Variants in CNTN5 observed in about 807,000 individuals in gnomAD.
CNTN5 encodes contactin 5, also known as contactin-5.
A neutral mutation model predicts 129.1 loss-of-function variants in CNTN5; 77 were observed. That is an observed-to-expected ratio of 0.60 (90% CI 0.50 to 0.72). The LOEUF is 0.72. Ranked by LOEUF, CNTN5 falls within the 30% of genes least tolerant of loss-of-function variation. CNTN5 has a pLI of 0.00. For missense variants in CNTN5, 1,478 were observed against 1,328.8 expected (o/e 1.11, Z -1.75); for synonymous variants, 509 against 465.6 (o/e 1.09, Z -1.20).
intron 1 of CNTN5, among the ~76,000 whole-genome samples, chr11:99,134,109 G>A (rs1402762271): frequency 6.6e-6 from 1 of 152,120 alleles, no homozygotes; most frequent in Non-Finnish European, 1.5e-5. Context: ...GCAGGGACAT[G>A]AATGAAGCTT....
intron 1 of CNTN5, among the ~76,000 whole-genome samples, chr11:99,092,630 A>G (rs1424450180): frequency 6.6e-6 from 1 of 152,074 alleles, no homozygotes; most frequent in Non-Finnish European, 1.5e-5. Flanking sequence ...CCAACTAAAT[A>G]TGATTTAAGT....
intron 1 of CNTN5, among the ~76,000 whole-genome samples, chr11:99,085,085 C>T (rs1865950936): frequency 6.6e-6 from 1 of 151,742 alleles, no homozygotes; most frequent in Non-Finnish European, 1.5e-5. Context: ...TTCTCTGCCA[C>T]CCAGGCTAGA....
chr11:99,330,013 G>A (rs1487532459), intron 2 of CNTN5, among the ~76,000 whole-genome samples: 1 of 150,936 alleles, frequency 6.6e-6, no homozygotes, highest in East Asian at 1.9e-4. Context: ...GGTTATTATT[G>A]TCATAGAATA....
rs75673562 is a variant in CNTN5, at chr11:100,163,241, G to A, written c.1581-27885G>A. Among the ~76,000 whole-genome samples the A allele has an allele frequency of 6.6e-5, 10 of 151,540 alleles. No individual in the cohort carries two copies. In the East Asian group the frequency reaches 1.9e-3, roughly 30 times the overall value. On this transcript the variant is annotated intron_variant, in intron 13 of 24. Coordinates refer to ENST00000524871, the MANE Select transcript of CNTN5 (RefSeq NM_014361.4). Reference sequence around the variant, plus strand: ...ACATAATAGCTAATAAAAATAAGGAGTCAGGTTACAACCTGAGTCTCATTA... The same window carrying A: ...ACATAATAGCTAATAAAAATAAGGAATCAGGTTACAACCTGAGTCTCATTA...
At position 99,778,073 on chromosome 11, in the gene CNTN5, A is replaced by AT. The variant is rs1166739009; in HGVS notation, c.56-41463dup. Among the ~76,000 whole-genome samples the AT allele has an allele frequency of 3.3e-5, 5 of 151,734 alleles. 1 individual carries two copies. In the East Asian group the frequency reaches 9.7e-4, roughly 30 times the overall value. On this transcript the variant is annotated intron_variant, in intron 3 of 24. Transcript: ENST00000524871. The stretch of plus-strand genomic sequence containing the variant: ...CATTTTTTAATTCAGATTGAGTTGA[A>AT]TTTTTTTTCAACTTATCTTACCAGA...
intron 1 of CNTN5, among the ~76,000 whole-genome samples, chr11:99,153,158 C>A (rs1860155103): frequency 6.6e-6 from 1 of 152,144 alleles, no homozygotes; most frequent in Non-Finnish European, 1.5e-5. Context: ...CATAGGGATT[C>A]TCTGCATTTC....
chr11:99,355,905 C>A (rs1938627407), intron 2 of CNTN5, among the ~76,000 whole-genome samples: 1 of 151,100 alleles, frequency 6.6e-6, no homozygotes, highest in South Asian at 2.1e-4. Context: ...CGGCTCACTG[C>A]AAGCTCCGCC....
chr11:99,762,028 T>G (rs1439462123), intron 3 of CNTN5, among the ~76,000 whole-genome samples: 1 of 115,844 alleles, frequency 8.6e-6, no homozygotes, highest in Admixed American at 9.2e-5. Flanking sequence ...ATGATGGGCA[T>G]TTTTTCATGT....
chr11:100,213,760 G>A (rs1242903998), intron 15 of CNTN5, among the ~76,000 whole-genome samples: 3 of 152,124 alleles, frequency 2.0e-5, no homozygotes, highest in African/African-American at 7.2e-5. Context: ...GCTTTGAATA[G>A]TTAGCTTTTT....
chr11:99,745,897 G>C (rs957335072), intron 3 of CNTN5, among the ~76,000 whole-genome samples: 4 of 152,074 alleles, frequency 2.6e-5, no homozygotes, highest in Admixed American at 2.0e-4. Flanking sequence ...TGAAAGAATA[G>C]GGCTATACTC....
At chr11:100,161,829 C>CCACACACACACACACACA (rs1565302182) in intron 13 of CNTN5, among the ~76,000 whole-genome samples, 1 of 33,996 alleles carries the variant, frequency 2.9e-5, no homozygotes. Context: ...CTGGAGCTTC[C>CCACACACACACACACACA]TACACACACA....
rs1296698179 is a variant in CNTN5, at chr11:99,643,379, G to C, written c.55+87110G>C. Among the ~76,000 whole-genome samples, 13 of 152,206 alleles carry C rather than the reference G, an allele frequency of 8.5e-5. No homozygotes were observed. In the East Asian group the frequency reaches 1.7e-3, roughly 20 times the overall value. On this transcript the variant is annotated intron_variant, in intron 3 of 24. Transcript: ENST00000524871. ...TGATTAAGAGAATGGATATGTAGCT[G>C]TATTACCTCAGACATTATACATTCT... is the stretch of plus-strand genomic sequence containing the variant.
chr11:99,537,744 C>T (rs1196642207), intron 2 of CNTN5, among the ~76,000 whole-genome samples: 1 of 152,120 alleles, frequency 6.6e-6, no homozygotes, highest in African/African-American at 2.4e-5. Context: ...AAGAACCATG[C>T]CTGGTATTTA....
At chr11:99,311,615 A>G (rs1454718451) in intron 1 of CNTN5, among the ~76,000 whole-genome samples, 1 of 152,162 alleles carries the variant, frequency 6.6e-6, no homozygotes, top group African/African-American at 2.4e-5. Flanking sequence ...TCTTACTTTG[A>G]CCTTTGCCAA....
chr11:99,389,981 C>G (rs1436893511), intron 2 of CNTN5, among the ~76,000 whole-genome samples: 1 of 152,084 alleles, frequency 6.6e-6, no homozygotes, highest in African/African-American at 2.4e-5. Context: ...GTCCAGTCCT[C>G]AATATGAGAA....
chr11:100,040,130 C>T (rs989895886), intron 9 of CNTN5, among the ~76,000 whole-genome samples: 42 of 152,006 alleles, frequency 2.8e-4, no homozygotes, highest in African/African-American at 8.2e-4. Context: ...ATGATGGTGA[C>T]GTACAGATGG....
intron 2 of CNTN5, among the ~76,000 whole-genome samples, chr11:99,339,758 C>A (rs1221369567): frequency 1.4e-5 from 2 of 146,756 alleles, no homozygotes; most frequent in Non-Finnish European, 3.0e-5. Flanking sequence ...CTCCAGCCTG[C>A]GCTACAGAGT....
At chr11:99,365,023 G>A (rs1283141520) in intron 2 of CNTN5, among the ~76,000 whole-genome samples, 2 of 152,056 alleles carry the variant, frequency 1.3e-5, no homozygotes, top group African/African-American at 2.4e-5. Context: ...AGGTGCAATG[G>A]AATAAAAAAC....
chr11:99,392,947 G>C (rs548977730), intron 2 of CNTN5, among the ~76,000 whole-genome samples: 32 of 151,928 alleles, frequency 2.1e-4, no homozygotes, highest in African/African-American at 7.7e-4. Context: ...TTGAACATTG[G>C]CTTTGAATAG....
Sources: allele counts gnomAD v4.1 joint callset (sites outside exome capture counted in the v4.1 genomes callset), GRCh38; gene constraint gnomAD v4.1.1; transcripts MANE v1.5; gene names NCBI Gene and HGNC (gene_info 2026-07-23, HGNC 2026-07-21).